COX17: variants seen among roughly 807,000 people sequenced by gnomAD.
The protein encoded by COX17 is cytochrome c oxidase copper chaperone COX17.
COX17 carries 1 observed loss-of-function variant against 6.3 expected under a neutral mutation model. That is an observed-to-expected ratio of 0.16 (90% CI 0.06 to 0.75). The LOEUF is 0.75. COX17 is among the 30% of genes least tolerant of loss of function. COX17 has a pLI of 0.77. For synonymous variants in COX17, 26 were observed against 30.5 expected (o/e 0.85, Z 0.49); for missense variants, 73 against 81.2 (o/e 0.90, Z 0.39).
At chr3:119,672,091 G>A (rs942715646) in intron 2 of COX17, among the ~76,000 whole-genome samples, 2 of 152,170 alleles carry the variant, frequency 1.3e-5, no homozygotes, top group Non-Finnish European at 2.9e-5. Flanking sequence ...AAAGGTATGA[G>A]CTATTCTGTT....
chr3:119,666,280 T>C (rs2052991522), downstream of COX17, among the ~76,000 whole-genome samples: 1 of 152,180 alleles, frequency 6.6e-6, no homozygotes, highest in African/African-American at 2.4e-5. Flanking sequence ...AGGGAATGGT[T>C]TCTCTCTCTT....
chr3:119,667,521 G>C (rs1465700562), downstream of COX17, among the ~76,000 whole-genome samples: 2 of 152,228 alleles, frequency 1.3e-5, no homozygotes, highest in East Asian at 3.9e-4. Flanking sequence ...TTTTTCTAGA[G>C]ATCACTTGGG....
chr3:119,672,893 G>T (rs1463492794), intron 2 of COX17, among the ~76,000 whole-genome samples: 1 of 152,216 alleles, frequency 6.6e-6, no homozygotes, highest in Non-Finnish European at 1.5e-5. Flanking sequence ...AGGACTTTCA[G>T]CCTAGACTGT....
downstream of COX17, among the ~76,000 whole-genome samples, chr3:119,667,688 T>TACACACAC (rs58875404): frequency 2.5e-4 from 34 of 136,870 alleles, no homozygotes; most frequent in African/African-American, 9.3e-4. Flanking sequence ...GTAAAAGGTG[T>TACACACAC]ACACACACAC....
intron 1 of COX17, chr3:119,676,682 C>T: frequency 1.7e-6 from 1 of 588,488 alleles, no homozygotes. Context: ...TTAGAAATTA[C>T]CAGAAAACCT....
chr3:119,668,101 A>T (rs2053010662), downstream of COX17, among the ~76,000 whole-genome samples: 1 of 152,172 alleles, frequency 6.6e-6, no homozygotes, highest in Admixed American at 6.5e-5. Flanking sequence ...GGGGCAAAAC[A>T]TGATAATGTT....
downstream of COX17, among the ~76,000 whole-genome samples, chr3:119,664,947 T>C (rs577860682): frequency 6.6e-6 from 1 of 152,356 alleles, no homozygotes; most frequent in Non-Finnish European, 1.5e-5. Context: ...GGCATAATTT[T>C]ATGCTCTGGA....
chr3:119,675,822 TCAATTA>T (rs1020901336), intron 1 of COX17, among the ~76,000 whole-genome samples: 2 of 152,134 alleles, frequency 1.3e-5, no homozygotes, highest in Non-Finnish European at 2.9e-5. Flanking sequence ...TAAGCCCAAT[TCAATTA>T]CAAGGAAAAA....
At chr3:119,664,082 G>GA (rs1312965708) in intron 3 of COX17, among the ~76,000 whole-genome samples, 1 of 152,208 alleles carries the variant, frequency 6.6e-6, no homozygotes, top group Non-Finnish European at 1.5e-5. Context: ...ATCACTTCAA[G>GA]AAACTTTCAG....
Position 119,673,377 on chromosome 3 carries a change from C to T in COX17, c.*4+1768G>A, listed in dbSNP as rs186996071. On this transcript the variant is annotated intron_variant, in intron 2 of 2. Transcript: ENST00000261070. ...ACATTCTAGCTGCCGTGAAGCAACA[C>T]AGGTAATTAAAAATATATGTATCAT... Among the ~76,000 whole-genome samples the T allele has an allele frequency of 2.1e-3, 313 of 152,298 alleles. 4 individuals are homozygous for T. In the Middle Eastern group the frequency reaches 0.048, roughly 23 times the overall value.
At chr3:119,666,462 T>C (rs1278139091), downstream of COX17, among the ~76,000 whole-genome samples, 1 of 152,250 alleles carries the variant, frequency 6.6e-6, no homozygotes, top group Non-Finnish European at 1.5e-5. Context: ...ATGAGGATTT[T>C]CTATTACTTG....
downstream of COX17, among the ~76,000 whole-genome samples, chr3:119,664,714 C>T (rs113119073): frequency 6.6e-6 from 1 of 152,174 alleles, no homozygotes; most frequent in Non-Finnish European, 1.5e-5. Flanking sequence ...TGACTTTAGA[C>T]ATTTTTTATA....
intron 2 of COX17, among the ~76,000 whole-genome samples, chr3:119,672,659 T>C (rs1012649162): frequency 6.6e-6 from 1 of 152,222 alleles, no homozygotes; most frequent in Non-Finnish European, 1.5e-5. Flanking sequence ...AAATAGTTCA[T>C]TATGGGATTT....
At chr3:119,672,577 T>C (rs1453535314) in intron 2 of COX17, among the ~76,000 whole-genome samples, 1 of 152,246 alleles carries the variant, frequency 6.6e-6, no homozygotes, top group African/African-American at 2.4e-5. Context: ...TAAGGTTGCA[T>C]CTTTAAAAAT....
At chr3:119,670,083 G>A (rs1157430147) in intron 2 of COX17, among the ~76,000 whole-genome samples, 1 of 152,158 alleles carries the variant, frequency 6.6e-6, no homozygotes, top group East Asian at 1.9e-4. Context: ...CCACAAAGTA[G>A]AAGGCAGAAG....
At chr3:119,677,103 G>A (rs1449851469) in intron 1 of COX17, 101 bp downstream of exon 1, 3 of 869,900 alleles carry the variant, frequency 3.4e-6, no homozygotes, top group Non-Finnish European at 5.7e-6. Context: ...AGAGGGCAGA[G>A]GGCAGAAGGC....
chr3:119,664,545 G>C (rs1472179416), downstream of COX17, among the ~76,000 whole-genome samples: 1 of 152,198 alleles, frequency 6.6e-6, no homozygotes, highest in Non-Finnish European at 1.5e-5. Flanking sequence ...CTTGTTGTAG[G>C]TGAATCAAAA....
At chr3:119,671,131 T>C (rs1262496770) in intron 2 of COX17, among the ~76,000 whole-genome samples, 1 of 152,220 alleles carries the variant, frequency 6.6e-6, no homozygotes. Context: ...CCTAGCATTA[T>C]CCCTGCTATT....
intron 2 of COX17, among the ~76,000 whole-genome samples, chr3:119,672,949 A>T (rs1272092812): frequency 1.3e-5 from 2 of 152,232 alleles, no homozygotes; most frequent in Non-Finnish European, 2.9e-5. Context: ...CAAGTTCCTT[A>T]TCCCTCCTTT....
Sources: gnomAD v4.1 joint callset for allele counts (sites outside exome capture counted in the v4.1 genomes callset) on GRCh38, gnomAD v4.1.1 for gene constraint, MANE v1.5 for transcripts, NCBI Gene and HGNC (gene_info 2026-07-23, HGNC 2026-07-21) for gene names.